The following NTRK2 variants were observed in gnomAD, a reference collection of about 807,000 sequenced individuals.
The protein encoded by NTRK2 is neurotrophic receptor tyrosine kinase 2.
Under a neutral mutation model 94.5 loss-of-function variants are expected in NTRK2, and 13 were observed. The ratio of observed to expected loss-of-function variants is 0.14; its 90% CI spans 0.09 to 0.22. The LOEUF is 0.22. Ranked by LOEUF, NTRK2 falls within the 10% of genes least tolerant of loss-of-function variation. NTRK2 has a pLI of 1.00. For missense variants in NTRK2, 639 were observed against 1,071.2 expected (o/e 0.60, Z 5.63); for synonymous variants, 372 against 407.4 (o/e 0.91, Z 1.05).
chr9:84,795,624 A>G (rs2069224180), intron 12 of NTRK2, among the ~76,000 whole-genome samples: 2 of 152,038 alleles, frequency 1.3e-5, no homozygotes, highest in African/African-American at 4.8e-5. Context: ...AGGGGGTTCT[A>G]TTGTTTCTCA....
chr9:84,937,568 G>T (rs2078253871), intron 15 of NTRK2, among the ~76,000 whole-genome samples: 1 of 152,170 alleles, frequency 6.6e-6, no homozygotes, highest in African/African-American at 2.4e-5. Context: ...CAGAGTATTT[G>T]CTTGTTTGGA....
At chr9:84,862,737 C>T (rs1427530729) in intron 13 of NTRK2, among the ~76,000 whole-genome samples, 1 of 152,100 alleles carries the variant, frequency 6.6e-6, no homozygotes, top group Admixed American at 6.5e-5. Context: ...GTGCTGGGAT[C>T]CATTAAAAGG....
chr9:84,731,678 ACT>A (rs2062899731), intron 9 of NTRK2, among the ~76,000 whole-genome samples: 1 of 152,000 alleles, frequency 6.6e-6, no homozygotes, highest in Non-Finnish European at 1.5e-5. Context: ...GGTGGCAGAC[ACT>A]CTGTTCTCTA....
chr9:84,761,954 A>G (rs1217793850), intron 12 of NTRK2, among the ~76,000 whole-genome samples: 1 of 152,086 alleles, frequency 6.6e-6, no homozygotes, highest in African/African-American at 2.4e-5. Context: ...ATGGGAGGCA[A>G]TTGAATCATG....
chr9:84,674,344 G>T (rs2058897359), intron 2 of NTRK2, among the ~76,000 whole-genome samples: 1 of 152,158 alleles, frequency 6.6e-6, no homozygotes, highest in South Asian at 2.1e-4. Context: ...AGAATTTGGA[G>T]CTTCTCCTAT....
At chr9:84,875,661 T>C in intron 14 of NTRK2, 1 of 1,055,720 alleles carries the variant, frequency 9.5e-7, no homozygotes, top group South Asian at 4.6e-5. Flanking sequence ...ACCTTGGCTG[T>C]GCAAGGACCT....
At chr9:84,985,470 C>G (rs1828178828) in intron 17 of NTRK2, among the ~76,000 whole-genome samples, 1 of 152,196 alleles carries the variant, frequency 6.6e-6, no homozygotes. Flanking sequence ...TTTGAACTTG[C>G]TTAATATTCA....
At position 84,846,885 on chromosome 9, in the gene NTRK2, C is replaced by T. The variant is rs150766347; in HGVS notation, c.1397-14155C>T. On this transcript the variant is annotated intron_variant, in intron 12 of 18. Transcript: ENST00000277120. Reference sequence around the variant, plus strand: ...CCCAGCAACTGGAGCTGCAAATGCTCATTTCTTCATAGGCATGGGCTGGGA... The same window carrying T: ...CCCAGCAACTGGAGCTGCAAATGCTTATTTCTTCATAGGCATGGGCTGGGA... 7.8e-4 allele frequency among the ~76,000 whole-genome samples: 119 copies of T among 152,298 alleles called. 1 individual carries two copies. Among genetic ancestry groups the T allele is most frequent in the Non-Finnish European group, 1.7e-3 (113 of 68,020 alleles).
At chr9:85,014,863 C>T (rs946777491) in intron 17 of NTRK2, among the ~76,000 whole-genome samples, 2 of 152,072 alleles carry the variant, frequency 1.3e-5, no homozygotes, top group African/African-American at 4.8e-5. Context: ...ATCAAAATTA[C>T]GAGGTGTCAT....
chr9:84,839,310 T>C (rs750654409), intron 12 of NTRK2, among the ~76,000 whole-genome samples: 1 of 152,222 alleles, frequency 6.6e-6, no homozygotes, highest in Non-Finnish European at 1.5e-5. Flanking sequence ...GCCTGTCTTG[T>C]ATCCTGTTCA....
chr9:84,710,932 G>A (rs897562861), intron 6 of NTRK2, 141 bp downstream of exon 6: 6 of 787,108 alleles, frequency 7.6e-6, no homozygotes, highest in Middle Eastern at 5.5e-4. Flanking sequence ...CAACATTTAT[G>A]TGCAGTGTGG....
At chr9:84,731,666 G>A (rs1443879076) in intron 9 of NTRK2, among the ~76,000 whole-genome samples, 1 of 152,034 alleles carries the variant, frequency 6.6e-6, no homozygotes, top group Admixed American at 6.6e-5. Context: ...GACACTAGAC[G>A]AGGTGGCAGA....
At chr9:84,688,183 T>C (rs2059833845) in intron 2 of NTRK2, among the ~76,000 whole-genome samples, 2 of 152,170 alleles carry the variant, frequency 1.3e-5, no homozygotes, top group Admixed American at 6.5e-5. Context: ...ATTGGCTCTG[T>C]GGACTCCTTG....
At chr9:84,833,009 G>A (rs2073657070) in intron 12 of NTRK2, among the ~76,000 whole-genome samples, 1 of 151,882 alleles carries the variant, frequency 6.6e-6, no homozygotes, top group Non-Finnish European at 1.5e-5. Flanking sequence ...CTGTGTCAGA[G>A]GAGCCCACAG....
chr9:84,915,044 C>T (rs999595886), intron 14 of NTRK2, among the ~76,000 whole-genome samples: 5 of 152,122 alleles, frequency 3.3e-5, no homozygotes, highest in African/African-American at 1.2e-4. Flanking sequence ...ATAAGGAGTG[C>T]ACAATCTAGA....
intron 12 of NTRK2, among the ~76,000 whole-genome samples, chr9:84,807,956 T>A (rs928820332): frequency 1.3e-5 from 2 of 152,204 alleles, no homozygotes; most frequent in African/African-American, 4.8e-5. Context: ...ATAGTTTGAA[T>A]GCATATTGCT....
chr9:84,966,997 C>T (rs1243874528), intron 17 of NTRK2, among the ~76,000 whole-genome samples: 3 of 152,172 alleles, frequency 2.0e-5, no homozygotes, highest in Non-Finnish European at 4.4e-5. Flanking sequence ...AGTGCACAGT[C>T]ATATCCTACT....
intron 15 of NTRK2, among the ~76,000 whole-genome samples, chr9:84,947,473 C>T (rs1440987899): frequency 1.3e-5 from 2 of 151,940 alleles, no homozygotes; most frequent in Non-Finnish European, 1.5e-5. Context: ...CCCAATATAG[C>T]ATTCCAGGCA....
chr9:84,898,259 A>C (rs1477604504), intron 14 of NTRK2, among the ~76,000 whole-genome samples: 1 of 152,100 alleles, frequency 6.6e-6, no homozygotes, highest in East Asian at 1.9e-4. Context: ...TGGTGCCATC[A>C]CTTTTTCAGA....
Sources: gnomAD v4.1 joint callset for allele counts (sites outside exome capture counted in the v4.1 genomes callset) on GRCh38, gnomAD v4.1.1 for gene constraint, MANE v1.5 for transcripts, NCBI Gene and HGNC (gene_info 2026-07-23, HGNC 2026-07-21) for gene names.